LHFPL5: variants seen among roughly 807,000 people sequenced by gnomAD.
LHFPL5 encodes LHFPL tetraspan subfamily member 5, also known as LHFPL tetraspan subfamily member 5 protein.
LHFPL5 carries 12 observed loss-of-function variants against 18.7 expected under a neutral mutation model. That is an observed-to-expected ratio of 0.64 (90% CI 0.41 to 1.04). The LOEUF (loss-of-function observed/expected upper bound fraction) is 1.04, where lower values mean the gene tolerates loss of function less well. Ranked by LOEUF, LHFPL5 falls within the 50% of genes least tolerant of loss-of-function variation. The probability of loss-of-function intolerance (pLI) is 0.00; values close to 1 mark genes in which losing one functional copy is unlikely to be tolerated. For missense variants in LHFPL5, 259 were observed against 292.1 expected (o/e 0.89, Z 0.83); for synonymous variants, 111 against 120.2 (o/e 0.92, Z 0.50).
chr6:35,816,881 A>C (rs946130670), intron 2 of LHFPL5, among the ~76,000 whole-genome samples: 1 of 152,096 alleles, frequency 6.6e-6, no homozygotes, highest in Middle Eastern at 3.2e-3. Flanking sequence ...AAGGATGCCA[A>C]GACTATTTAA....
chr6:35,816,827 A>AG (rs1179887322), intron 2 of LHFPL5, among the ~76,000 whole-genome samples: 1 of 151,608 alleles, frequency 6.6e-6, no homozygotes, highest in Non-Finnish European at 1.5e-5. Flanking sequence ...AAAAAAAAAA[A>AG]AAAGGAAATA....
chr6:35,818,240 A>T (rs1435817759), intron 2 of LHFPL5, among the ~76,000 whole-genome samples: 1 of 151,730 alleles, frequency 6.6e-6, no homozygotes, highest in African/African-American at 2.4e-5. Flanking sequence ...GCTAATGGGC[A>T]CAGGGTTTCT....
chr6:35,808,564 C>CACATAT (rs1768610373), intron 1 of LHFPL5, among the ~76,000 whole-genome samples: 1 of 87,268 alleles, frequency 1.1e-5, no homozygotes, highest in Admixed American at 1.4e-4. Flanking sequence ...TCATTTTATA[C>CACATAT]ATATATATAT....
chr6:35,814,412 C>A lies in LHFPL5; in HGVS notation c.413-134C>A. 1.2e-6 allele frequency: 1 copy of A among 802,260 alleles called. No homozygotes were observed. The highest frequency in any genetic ancestry group is 1.4e-5 in the South Asian group (1 of 73,368). 49.7% of individuals were successfully genotyped at this position (802,260 alleles called of 1,614,324 possible). A position where few individuals can be genotyped will look rare whatever the true frequency, so the allele number is the denominator to read the frequency against. ...TGTTCTGCAAGAAGGATGGTAGAGG[C>A]TGCCTCTCATGCCTCCTGAGGCTGT... On this transcript the variant is annotated intron_variant, in intron 1 of 3. Transcript: ENST00000360215. This position sits in a 1 kb window ranked among gnomAD's most constrained non-coding sequence, Gnocchi z 4.2.
At position 35,814,087 on chromosome 6, in the gene LHFPL5, AC is replaced by A. The variant is rs1768717892; in HGVS notation, c.413-454del. Among the ~76,000 whole-genome samples the A allele has an allele frequency of 6.6e-6, 1 of 151,838 alleles. No homozygotes were observed. The highest frequency in any genetic ancestry group is 2.4e-5 in the African/African-American group (1 of 41,382). On this transcript the variant is annotated intron_variant, in intron 1 of 3. Coordinates refer to ENST00000360215, the MANE Select transcript of LHFPL5 (RefSeq NM_182548.4). The surrounding 1 kb of genome is among the most constrained non-coding windows in gnomAD (Gnocchi z 4.2). The stretch of plus-strand genomic sequence containing the variant: ...GCTGGGATTACAGGTGTGAGCCACC[AC>A]CCCCAGGCTAGACACTTTCTTATTG...
rs906389183 is a variant in LHFPL5 at position 35,805,354 on chromosome 6, C to G, written c.-317C>G. On this transcript the variant is annotated 5_prime_UTR_variant, in exon 1 of 4. Transcript: ENST00000360215. This position sits in a 1 kb window ranked among gnomAD's most constrained non-coding sequence, Gnocchi z 4.3. ...CGGACGGAGGAGGGGGCGGGGCTCT[C>G]GGGAGCCGTGAGCCGGGAAGAGGGA... 35 of 352,476 alleles carry G rather than the reference C, an allele frequency of 9.9e-5. No homozygotes were observed. The highest frequency in any genetic ancestry group is 7.3e-4 in the African/African-American group (33 of 45,130). The allele number at this position is 352,476 out of a possible 1,614,324, so 21.8% of individuals were successfully genotyped here. A position where few individuals can be genotyped will look rare whatever the true frequency, so the allele number is the denominator to read the frequency against.
intron 2 of LHFPL5, among the ~76,000 whole-genome samples, chr6:35,815,258 G>T (rs1768739744): frequency 6.6e-6 from 1 of 152,108 alleles, no homozygotes; most frequent in Non-Finnish European, 1.5e-5. Context: ...TGGAGGAACA[G>T]CAGCCTTGGG....
In LHFPL5 at chr6:35,814,934, C is replaced by T; in HGVS notation, c.649+152C>T. 1.3e-6 allele frequency: 1 copy of T among 754,620 alleles called. No individual in the cohort carries two copies. Among genetic ancestry groups the T allele is most frequent in the South Asian group, 1.5e-5 (1 of 65,738 alleles). The allele number at this position is 754,620 out of a possible 1,614,324, so 46.7% of individuals were successfully genotyped here. ...ACACACCCCTTGTCCTCCCTGAAATCAAAGGCCAGTGGAGGGTTGCAAGCT... is the reference window on the plus strand; with the variant it reads ...ACACACCCCTTGTCCTCCCTGAAATTAAAGGCCAGTGGAGGGTTGCAAGCT... On this transcript the variant is annotated intron_variant, in intron 2 of 3. Transcript: ENST00000360215. This position sits in a 1 kb window ranked among gnomAD's most constrained non-coding sequence, Gnocchi z 4.2.
intron 1 of LHFPL5, among the ~76,000 whole-genome samples, chr6:35,808,014 G>A (rs868542552): frequency 4.6e-5 from 7 of 152,064 alleles, no homozygotes; most frequent in Admixed American, 2.0e-4. Flanking sequence ...TCCAAATCTT[G>A]CACCCAGGCT....
At chr6:35,819,563 G>A (rs1455223666) in intron 3 of LHFPL5, 100 bp downstream of exon 3, 2 of 1,116,014 alleles carry the variant, frequency 1.8e-6, no homozygotes, top group African/African-American at 3.1e-5. Flanking sequence ...CAGGGGCTGG[G>A]CTGTAAGGCT....
intron 1 of LHFPL5, among the ~76,000 whole-genome samples, chr6:35,808,110 G>C (rs940142989): frequency 2.0e-5 from 3 of 151,868 alleles, no homozygotes; most frequent in Non-Finnish European, 4.4e-5. Flanking sequence ...AGAGAGGCCG[G>C]GGCAGGGGTG....
intron 3 of LHFPL5, among the ~76,000 whole-genome samples, chr6:35,820,555 C>T (rs573021047): frequency 3.7e-4 from 56 of 152,078 alleles, no homozygotes; most frequent in African/African-American, 1.2e-3. Context: ...AAAAAATTAG[C>T]CAGGTGTGGT....
intron 3 of LHFPL5, among the ~76,000 whole-genome samples, chr6:35,821,857 A>AT (rs763639486): frequency 0.14 from 5,268 of 38,836 alleles, 1,868 homozygotes; most frequent in Non-Finnish European, 0.18. Flanking sequence ...GTGTACCACA[A>AT]TTTTTTTTTT....
Position 35,814,632 on chromosome 6 carries a change from A to C in LHFPL5, c.499A>C (p.Lys167Gln), listed in dbSNP as rs568702367. ...VRRMCGEQTG[K>Q]YTLGHCTIRW... is the part of the protein sequence containing the mutation. ...GCGCATGTGTGGGGAGCAGACGGGC[A>C]AGTACACGCTGGGCCACTGCACCAT... The change falls in exon 2 of 4, where the codon AAG (lysine) becomes CAG (glutamine). Residue 167 changes from lysine to glutamine, a missense_variant. By Grantham distance (53) the Lys-to-Gln change is moderately conservative. Coordinates refer to ENST00000360215, the MANE Select transcript of LHFPL5 (RefSeq NM_182548.4). This position sits in a 1 kb window ranked among gnomAD's most constrained non-coding sequence, Gnocchi z 4.2. 1.4e-5 allele frequency: 23 copies of C among 1,614,164 alleles called. No individual in the cohort carries two copies. In the Admixed American group the frequency reaches 3.3e-4, roughly 23 times the overall value.
chr6:35,807,237 C>T (rs924012628), intron 1 of LHFPL5, among the ~76,000 whole-genome samples: 1 of 150,898 alleles, frequency 6.6e-6, no homozygotes, highest in Admixed American at 6.6e-5. Context: ...CTAGACTGGG[C>T]AAGATGGAAA....
In LHFPL5 at chr6:35,814,342, G is replaced by A. The variant is rs542470808; in HGVS notation, c.413-204G>A. On this transcript the variant is annotated intron_variant, in intron 1 of 3. Coordinates refer to ENST00000360215, the MANE Select transcript of LHFPL5 (RefSeq NM_182548.4). The surrounding 1 kb of genome is among the most constrained non-coding windows in gnomAD (Gnocchi z 4.2). ...GCCTCCGCCCCAACTACTGGGTCTCGGGGGCCAGTTGCTTTAACTCTCAGA... is the reference window on the plus strand; with the variant it reads ...GCCTCCGCCCCAACTACTGGGTCTCAGGGGCCAGTTGCTTTAACTCTCAGA... Among the ~76,000 whole-genome samples the A allele has an allele frequency of 4.9e-4, 75 of 152,292 alleles. No homozygotes were observed. The highest frequency in any genetic ancestry group is 1.6e-3 in the African/African-American group (68 of 41,558).
At chr6:35,815,237 C>A (rs1581972680) in intron 2 of LHFPL5, among the ~76,000 whole-genome samples, 1 of 152,024 alleles carries the variant, frequency 6.6e-6, no homozygotes, top group South Asian at 2.1e-4. Flanking sequence ...CTGGTGGGAG[C>A]CCGAGATCCC....
At chr6:35,818,514 A>T (rs1768811115) in intron 2 of LHFPL5, among the ~76,000 whole-genome samples, 1 of 151,214 alleles carries the variant, frequency 6.6e-6, no homozygotes. Context: ...CCATACCACC[A>T]CACTTGGCTT....
rs572708369 is a variant in LHFPL5 at position 35,814,322 on chromosome 6, C to T, written c.413-224C>T. Among the ~76,000 whole-genome samples, 4 of 152,168 alleles carry T rather than the reference C, an allele frequency of 2.6e-5. No homozygotes were observed. The highest frequency in any genetic ancestry group is 7.2e-5 in the African/African-American group (3 of 41,510). ...GGGCTTAGGAGCTCAGCTCTGCCTC[C>T]GCCCCAACTACTGGGTCTCGGGGGC... On this transcript the variant is annotated intron_variant, in intron 1 of 3. Coordinates refer to ENST00000360215, the MANE Select transcript of LHFPL5 (RefSeq NM_182548.4). This position sits in a 1 kb window ranked among gnomAD's most constrained non-coding sequence, Gnocchi z 4.2.
Sources: allele counts gnomAD v4.1 joint callset (sites outside exome capture counted in the v4.1 genomes callset), GRCh38; gene constraint gnomAD v4.1.1; non-coding constraint Gnocchi (gnomAD v3.1); transcripts MANE v1.5; gene names NCBI Gene and HGNC (gene_info 2026-07-23, HGNC 2026-07-21).